Variants in DISP1 observed in about 807,000 individuals in gnomAD.
The protein encoded by DISP1 is protein dispatched homolog 1.
In DISP1, 30 loss-of-function variants were observed where a neutral mutation model predicts 37.3. The observed-to-expected ratio is 0.80, with a 90% CI of 0.60 to 1.09. The LOEUF (loss-of-function observed/expected upper bound fraction) is 1.09. DISP1 is among the 50% of genes least tolerant of loss of function. The probability of loss-of-function intolerance (pLI) is 0.00; values close to 1 mark genes in which losing one functional copy is unlikely to be tolerated. For synonymous variants in DISP1, 634 were observed against 690.2 expected, an observed-to-expected ratio of 0.92 and a Z score of 1.28; for missense variants, 1,598 against 1,879.5, an observed-to-expected ratio of 0.85 and a Z score of 2.77.
rs562540240 is a variant in DISP1 at position 222,927,599 on chromosome 1, A to C, written c.-158-831A>C. Among the ~76,000 whole-genome samples, 20 of 152,306 alleles carry C rather than the reference A, an allele frequency of 1.3e-4. No individual in the cohort carries two copies. In the South Asian group the frequency reaches 4.1e-3, roughly 32 times the overall value. ...TTATGCTTTTGAAATTGTTGAAACT[A>C]CTGTCCTCATATAGTTAGTACATCC... On this transcript the variant is annotated intron_variant, in intron 1 of 8. Coordinates refer to ENST00000675850, the MANE Select transcript of DISP1 (RefSeq NM_001377229.1).
intron 3 of DISP1, among the ~76,000 whole-genome samples, chr1:222,978,170 C>A (rs1677538536): frequency 1.3e-5 from 2 of 152,194 alleles, no homozygotes; most frequent in South Asian, 4.1e-4. Flanking sequence ...TGTCTACATC[C>A]TCTCCAGCAC....
intron 3 of DISP1, among the ~76,000 whole-genome samples, chr1:222,981,779 C>T (rs193160417): frequency 1.3e-5 from 2 of 152,124 alleles, no homozygotes; most frequent in African/African-American, 4.8e-5. Flanking sequence ...TTTTGTTTCT[C>T]CAAGTATGGT....
chr1:222,936,906 A>AAT (rs1673914642), intron 2 of DISP1, among the ~76,000 whole-genome samples: 1 of 52,712 alleles, frequency 1.9e-5, no homozygotes, highest in African/African-American at 7.1e-5. Context: ...ATTTATATAT[A>AAT]ATATATTATA....
intron 3 of DISP1, among the ~76,000 whole-genome samples, chr1:222,960,588 A>G (rs1675979857): frequency 6.6e-6 from 1 of 152,184 alleles, no homozygotes; most frequent in African/African-American, 2.4e-5. Flanking sequence ...AAGTAATCCA[A>G]AAGCTAGCAG....
chr1:222,916,430 AT>A (rs1672497567), intron 1 of DISP1, among the ~76,000 whole-genome samples: 2 of 152,220 alleles, frequency 1.3e-5, no homozygotes, highest in South Asian at 4.1e-4. Context: ...GGCTTTCAGC[AT>A]TGGAGTTTGC....
At chr1:222,838,370 A>G (rs1213738661) in intron 1 of DISP1, among the ~76,000 whole-genome samples, 1 of 152,062 alleles carries the variant, frequency 6.6e-6, no homozygotes, top group Non-Finnish European at 1.5e-5. Flanking sequence ...CTAATATTCA[A>G]ACTCCTGGAT....
intron 2 of DISP1, among the ~76,000 whole-genome samples, chr1:222,930,760 A>G (rs531303961): frequency 7.9e-5 from 12 of 152,264 alleles, no homozygotes; most frequent in Admixed American, 2.6e-4. Flanking sequence ...TTTAAGGAAT[A>G]GAGAAAGATT....
intron 1 of DISP1, among the ~76,000 whole-genome samples, chr1:222,826,415 C>T (rs1664430930): frequency 7.6e-6 from 1 of 132,268 alleles, no homozygotes; most frequent in Non-Finnish European, 1.5e-5. Flanking sequence ...GGGTCTCACT[C>T]TGTCACCTGG....
chr1:222,829,180 G>C (rs1000183390), intron 1 of DISP1, among the ~76,000 whole-genome samples: 2 of 152,226 alleles, frequency 1.3e-5, no homozygotes, highest in South Asian at 4.1e-4. Context: ...TCTTTTAATA[G>C]GACATTAAGT....
chr1:222,915,070 G>T (rs539009815), intron 1 of DISP1, among the ~76,000 whole-genome samples: 4 of 152,298 alleles, frequency 2.6e-5, no homozygotes, highest in South Asian at 2.1e-4. Context: ...TCTGAGTTCA[G>T]CTGTGGTTGT....
At chr1:222,821,878 C>CAAAAAAAA (rs35160286) in intron 1 of DISP1, among the ~76,000 whole-genome samples, 4 of 73,596 alleles carry the variant, frequency 5.4e-5, no homozygotes, top group African/African-American at 2.2e-4. Flanking sequence ...GACTCCATCT[C>CAAAAAAAA]AAAAAAAAAA....
At chr1:222,867,337 C>T in intron 1 of DISP1, among the ~76,000 whole-genome samples, 1 of 152,150 alleles carries the variant, frequency 6.6e-6, no homozygotes, top group East Asian at 1.9e-4. Flanking sequence ...CATGCTGCTT[C>T]AATGAATTGA....
chr1:222,918,427 A>C (rs1672614548), intron 1 of DISP1, among the ~76,000 whole-genome samples: 1 of 152,204 alleles, frequency 6.6e-6, no homozygotes, highest in Non-Finnish European at 1.5e-5. Context: ...TGAAGGAGAA[A>C]TTCAGGTAGT....
Position 222,991,654 on chromosome 1 carries a change from A to G in DISP1, c.791+7A>G, listed in dbSNP as rs758817680. 1 of 1,611,338 alleles carries G rather than the reference A, an allele frequency of 6.2e-7. No homozygotes were observed. The highest frequency in any genetic ancestry group is 8.5e-7 in the Non-Finnish European group (1 of 1,178,164). Reference sequence around the variant, plus strand: ...CAGATGAACAAGCCAAAAGGTAATCAATTATTTATTTTTATATAACTTTTA... The same window carrying G: ...CAGATGAACAAGCCAAAAGGTAATCGATTATTTATTTTTATATAACTTTTA... On this transcript the variant is annotated splice_region_variant and intron_variant, in intron 6 of 8. Transcript: ENST00000675850.
At chr1:222,967,994 A>G (rs1259067386) in intron 3 of DISP1, among the ~76,000 whole-genome samples, 1 of 152,180 alleles carries the variant, frequency 6.6e-6, no homozygotes, top group East Asian at 1.9e-4. Context: ...CCCATTCTCG[A>G]AAAGGGAATT....
intron 1 of DISP1, among the ~76,000 whole-genome samples, chr1:222,862,371 C>CTT (rs1668924078): frequency 6.6e-6 from 1 of 152,002 alleles, no homozygotes; most frequent in African/African-American, 2.4e-5. Context: ...CTCCTAAACA[C>CTT]TTTAGTATGT....
At chr1:222,947,815 G>A (rs1265212428) in intron 3 of DISP1, among the ~76,000 whole-genome samples, 1 of 152,162 alleles carries the variant, frequency 6.6e-6, no homozygotes, top group Non-Finnish European at 1.5e-5. Flanking sequence ...AAATTTCATC[G>A]TTTGCATTGT....
chr1:222,985,417 C>T (rs190023286), intron 4 of DISP1, among the ~76,000 whole-genome samples: 4 of 152,186 alleles, frequency 2.6e-5, no homozygotes, highest in East Asian at 3.8e-4. Flanking sequence ...TGTGGGAGGC[C>T]GAGGCGGGCA....
intron 1 of DISP1, among the ~76,000 whole-genome samples, chr1:222,862,580 A>T (rs1181333366): frequency 6.7e-6 from 1 of 149,440 alleles, no homozygotes; most frequent in Non-Finnish European, 1.5e-5. Context: ...GCTGGAGTAC[A>T]GTCCAGGCTA....
Sources: allele counts gnomAD v4.1 joint callset (sites outside exome capture counted in the v4.1 genomes callset), GRCh38; gene constraint gnomAD v4.1.1; transcripts MANE v1.5; gene names NCBI Gene and HGNC (gene_info 2026-07-23, HGNC 2026-07-21).